Variants in RFC3 observed in about 807,000 individuals in gnomAD.
The protein encoded by RFC3 is replication factor C subunit 3.
A neutral mutation model predicts 45.1 loss-of-function variants in RFC3; 41 were observed. That is an observed-to-expected ratio of 0.91 (90% confidence interval 0.71 to 1.18). The LOEUF (loss-of-function observed/expected upper bound fraction) is 1.18, where lower values mean the gene tolerates loss of function less well. Ranked by LOEUF, RFC3 falls within the 50% of genes most tolerant of loss-of-function variation. The pLI is 0.00. For synonymous variants in RFC3, 149 were observed against 144.0 expected (o/e 1.03, Z -0.25); for missense variants, 423 against 428.1 (o/e 0.99, Z 0.10).
At chr13:33,896,133 C>A (rs1307948331) in intron 8 of RFC3, among the ~76,000 whole-genome samples, 1 of 151,578 alleles carries the variant, frequency 6.6e-6, no homozygotes, top group Non-Finnish European at 1.5e-5. Context: ...AACAAAAAAA[C>A]CACTTGTACC....
downstream of RFC3, among the ~76,000 whole-genome samples, chr13:33,971,228 T>A (rs1321812934): frequency 2.6e-5 from 4 of 152,354 alleles, no homozygotes; most frequent in East Asian, 7.7e-4. Context: ...TTTTCTCACT[T>A]CAGAATTGGA....
intron 8 of RFC3, among the ~76,000 whole-genome samples, chr13:33,924,673 A>T (rs541912709): frequency 6.8e-6 from 1 of 147,340 alleles, no homozygotes; most frequent in Non-Finnish European, 1.5e-5. Context: ...ATATATATAT[A>T]TTATATATAT....
At position 33,869,969 on chromosome 13, in the gene RFC3, G is replaced by C. The variant is rs1327032610; in HGVS notation, c.879+34752G>C. On this transcript the variant is annotated intron_variant, in intron 8 of 8. Coordinates refer to the RFC3 transcript ENST00000434425. ...AGAAAGAAGTATACCAGTCTAACTT[G>C]CTTATCCTTGTTTGGTGGTTCCACA... Among the ~76,000 whole-genome samples the C allele has an allele frequency of 2.0e-5, 3 of 152,148 alleles. 1 individual carries two copies. The highest frequency in any genetic ancestry group is 4.4e-5 in the Non-Finnish European group (3 of 68,030).
At chr13:33,936,039 G>T (rs1241290780) in intron 8 of RFC3, among the ~76,000 whole-genome samples, 3 of 152,118 alleles carry the variant, frequency 2.0e-5, no homozygotes, top group African/African-American at 7.2e-5. Context: ...TGAGAGCGAT[G>T]GTATGACAGG....
At chr13:33,893,382 A>G (rs182107358) in intron 8 of RFC3, among the ~76,000 whole-genome samples, 9 of 152,294 alleles carry the variant, frequency 5.9e-5, no homozygotes, top group African/African-American at 9.6e-5. Flanking sequence ...CTCAGAAAAT[A>G]TATCTAATAA....
At chr13:33,878,818 T>G (rs2082464460) in intron 8 of RFC3, among the ~76,000 whole-genome samples, 1 of 152,156 alleles carries the variant, frequency 6.6e-6, no homozygotes, top group African/African-American at 2.4e-5. Context: ...TGTCAAAACC[T>G]TTTCTTTGTT....
At chr13:33,858,684 A>G (rs2082322081) in intron 8 of RFC3, among the ~76,000 whole-genome samples, 3 of 152,238 alleles carry the variant, frequency 2.0e-5, no homozygotes, top group African/African-American at 7.2e-5. Context: ...ACAGTGGGGC[A>G]TATGATTGCA....
chr13:33,860,398 AT>A (rs2082333522), intron 8 of RFC3, among the ~76,000 whole-genome samples: 1 of 152,088 alleles, frequency 6.6e-6, no homozygotes, highest in African/African-American at 2.4e-5. Context: ...GCACAAACAC[AT>A]TTAAAGACAT....
exon 9 of RFC3, chr13:33,966,141 A>G (rs764035452): frequency 1.3e-6 from 2 of 1,599,008 alleles, no homozygotes; most frequent in South Asian, 2.2e-5. Flanking sequence ...TCCAAAGAAC[A>G]ACTTGCTACT....
At chr13:33,922,372 A>C (rs1383418605) in intron 8 of RFC3, among the ~76,000 whole-genome samples, 1 of 152,038 alleles carries the variant, frequency 6.6e-6, no homozygotes, top group Non-Finnish European at 1.5e-5. Context: ...ATGAATTCTA[A>C]ACTATGCTCA....
chr13:33,970,288 G>A (rs1163780585), downstream of RFC3, among the ~76,000 whole-genome samples: 2 of 152,082 alleles, frequency 1.3e-5, no homozygotes, highest in Non-Finnish European at 2.9e-5. Context: ...TGGCTGCATA[G>A]TATTCCATGG....
At chr13:33,869,944 A>T (rs1030121400) in intron 8 of RFC3, among the ~76,000 whole-genome samples, 12 of 152,312 alleles carry the variant, frequency 7.9e-5, no homozygotes, top group African/African-American at 2.9e-4. Context: ...CAAATCTCGG[A>T]GAAAGAAGTA....
At chr13:33,879,700 T>G (rs2082470057) in intron 8 of RFC3, among the ~76,000 whole-genome samples, 1 of 152,240 alleles carries the variant, frequency 6.6e-6, no homozygotes, top group Non-Finnish European at 1.5e-5. Context: ...TAGATTCCTA[T>G]TGTTGCTGGA....
At chr13:33,845,975 A>G (rs1156843256) in intron 8 of RFC3, among the ~76,000 whole-genome samples, 1 of 152,236 alleles carries the variant, frequency 6.6e-6, no homozygotes, top group Non-Finnish European at 1.5e-5. Flanking sequence ...CTGTAGCCAT[A>G]TATGCATTAG....
At chr13:33,859,456 C>CA (rs2082327061) in intron 8 of RFC3, among the ~76,000 whole-genome samples, 1 of 151,860 alleles carries the variant, frequency 6.6e-6, no homozygotes, top group Non-Finnish European at 1.5e-5. Flanking sequence ...TAAATAATAT[C>CA]AAAACATTTA....
At position 33,831,237 on chromosome 13, in the gene RFC3, T is replaced by C. The variant is rs1488673418; in HGVS notation, c.711-19T>C. ...GCACACTTCTGTTTAACTTCTTGTG[T>C]TCTCTTTTTGTCATGTAGATATCCT... On this transcript the variant is annotated intron_variant, in intron 6 of 8. Transcript: ENST00000380071. 4 of 1,447,452 alleles carry C rather than the reference T, an allele frequency of 2.8e-6. No individual in the cohort carries two copies. Among genetic ancestry groups the C allele is most frequent in the African/African-American group, 1.4e-5 (1 of 71,506 alleles). 89.7% of individuals were successfully genotyped at this position (1,447,452 alleles called of 1,614,324 possible).
chr13:33,914,047 C>A (rs1463052121), intron 8 of RFC3, among the ~76,000 whole-genome samples: 3 of 152,012 alleles, frequency 2.0e-5, no homozygotes, highest in Non-Finnish European at 2.9e-5. Context: ...AATTGCCTTA[C>A]AAATAGATTT....
intron 8 of RFC3, among the ~76,000 whole-genome samples, chr13:33,883,760 A>G (rs1352180915): frequency 6.6e-6 from 1 of 152,216 alleles, no homozygotes; most frequent in Non-Finnish European, 1.5e-5. Context: ...ATATGAGGGA[A>G]CAATACACAC....
intron 3 of RFC3, among the ~76,000 whole-genome samples, chr13:33,824,432 C>T (rs1272686363): frequency 6.6e-6 from 1 of 152,110 alleles, no homozygotes; most frequent in Non-Finnish European, 1.5e-5. Context: ...CAACCAATAT[C>T]TTTATTCTCT....
Sources: allele counts gnomAD v4.1 joint callset (sites outside exome capture counted in the v4.1 genomes callset), GRCh38; gene constraint gnomAD v4.1.1; transcripts MANE v1.5; gene names NCBI Gene and HGNC (gene_info 2026-07-23, HGNC 2026-07-21).